RSRC1: variants seen among roughly 807,000 people sequenced by gnomAD.
The protein encoded by RSRC1 is arginine and serine rich coiled-coil 1, also known as serine/Arginine-related protein 53.
In RSRC1, 39 loss-of-function variants were observed where a neutral mutation model predicts 49.1. That is an observed-to-expected ratio of 0.79 (90% confidence interval 0.61 to 1.04). The LOEUF is 1.04. RSRC1 is among the 50% of genes least tolerant of loss of function. The pLI is 0.00. For synonymous variants in RSRC1, 143 were observed against 130.8 expected (o/e 1.09, Z -0.63); for missense variants, 388 against 402.4 (o/e 0.96, Z 0.31).
intron 4 of RSRC1, among the ~76,000 whole-genome samples, chr3:158,269,418 T>C (rs1301728330): frequency 6.6e-6 from 1 of 152,222 alleles, no homozygotes; most frequent in African/African-American, 2.4e-5. Flanking sequence ...AAATATTTCA[T>C]TCCTACATGC....
At chr3:158,384,212 C>G (rs1320855561) in intron 6 of RSRC1, among the ~76,000 whole-genome samples, 1 of 152,070 alleles carries the variant, frequency 6.6e-6, no homozygotes, top group Non-Finnish European at 1.5e-5. Flanking sequence ...CATCAAGAAA[C>G]TCTTCTGCAC....
At chr3:158,242,573 TGATTGCTG>T (rs1723655485) in intron 4 of RSRC1, among the ~76,000 whole-genome samples, 2 of 152,150 alleles carry the variant, frequency 1.3e-5, no homozygotes, top group Non-Finnish European at 2.9e-5. Context: ...CCTAGTAATG[TGATTGCTG>T]AGTCAAATGT....
At chr3:158,453,619 T>C (rs568807013) in intron 6 of RSRC1, among the ~76,000 whole-genome samples, 16 of 151,950 alleles carry the variant, frequency 1.1e-4, no homozygotes, top group South Asian at 4.2e-4. Flanking sequence ...CTGGCCTCAA[T>C]TGATCCTCCC....
chr3:158,356,780 C>A (rs1463823758), intron 6 of RSRC1, among the ~76,000 whole-genome samples: 3 of 152,074 alleles, frequency 2.0e-5, no homozygotes, highest in East Asian at 3.9e-4. Context: ...TTGCTTAGCA[C>A]AGAAAACATT....
chr3:158,219,612 A>G (rs952898725), intron 4 of RSRC1, among the ~76,000 whole-genome samples: 5 of 151,634 alleles, frequency 3.3e-5, no homozygotes, highest in African/African-American at 1.2e-4. Flanking sequence ...AAGGGATATA[A>G]GAGGAGGTGC....
At chr3:158,431,988 T>C (rs899088367) in intron 6 of RSRC1, among the ~76,000 whole-genome samples, 4 of 151,970 alleles carry the variant, frequency 2.6e-5, no homozygotes, top group Non-Finnish European at 5.9e-5. Flanking sequence ...TCACAGATGT[T>C]CATGAATAAT....
At chr3:158,280,970 T>C (rs999202819) in intron 4 of RSRC1, among the ~76,000 whole-genome samples, 2 of 152,166 alleles carry the variant, frequency 1.3e-5, no homozygotes, top group Admixed American at 1.3e-4. Flanking sequence ...TTTTATAAGA[T>C]TAGACTGGCT....
intron 3 of RSRC1, among the ~76,000 whole-genome samples, chr3:158,199,085 A>G (rs890876068): frequency 6.6e-6 from 1 of 152,138 alleles, no homozygotes; most frequent in African/African-American, 2.4e-5. Flanking sequence ...TTCTCACGCT[A>G]TTCTCATGAT....
At chr3:158,430,357 A>G (rs1328307853) in intron 6 of RSRC1, among the ~76,000 whole-genome samples, 1 of 151,908 alleles carries the variant, frequency 6.6e-6, no homozygotes, top group African/African-American at 2.4e-5. Flanking sequence ...CCAGGCAGCC[A>G]CTAGCATTCG....
At chr3:158,172,991 A>T (rs79975141) in intron 3 of RSRC1, among the ~76,000 whole-genome samples, 2,671 of 152,182 alleles carry the variant, frequency 0.018, 69 homozygotes, top group African/African-American at 0.061. Context: ...TTTTTAAAAG[A>T]TAACCTTGTT....
chr3:158,532,130 A>AT (rs1389356906), intron 7 of RSRC1, among the ~76,000 whole-genome samples: 1 of 151,750 alleles, frequency 6.6e-6, no homozygotes, highest in African/African-American at 2.4e-5. Flanking sequence ...ATTAGTATAT[A>AT]TTTTTTTCCT....
chr3:158,460,124 G>A (rs1737537508), intron 6 of RSRC1, among the ~76,000 whole-genome samples: 1 of 151,734 alleles, frequency 6.6e-6, no homozygotes, highest in African/African-American at 2.4e-5. Context: ...TTTTGACAAG[G>A]CAATACTTTT....
chr3:158,241,745 A>G (rs1302797461), intron 4 of RSRC1, among the ~76,000 whole-genome samples: 2 of 152,022 alleles, frequency 1.3e-5, no homozygotes, highest in Admixed American at 6.6e-5. Flanking sequence ...ATCACTGAAG[A>G]TGGCTCATAG....
At chr3:158,227,045 A>G (rs1197601687) in intron 4 of RSRC1, among the ~76,000 whole-genome samples, 1 of 151,906 alleles carries the variant, frequency 6.6e-6, no homozygotes, top group Non-Finnish European at 1.5e-5. Flanking sequence ...TAAGAAAATT[A>G]AATACTAAGA....
intron 4 of RSRC1, among the ~76,000 whole-genome samples, chr3:158,228,811 A>G (rs933639864): frequency 1.5e-5 from 2 of 133,098 alleles, no homozygotes; most frequent in Non-Finnish European, 1.6e-5. Flanking sequence ...ATATATGTCT[A>G]TGATCATAGA....
intron 7 of RSRC1, among the ~76,000 whole-genome samples, chr3:158,511,716 T>G (rs906632540): frequency 5.9e-5 from 9 of 152,208 alleles, no homozygotes; most frequent in Non-Finnish European, 1.0e-4. Flanking sequence ...CCACCATGGT[T>G]GAACTAGTTT....
At chr3:158,380,200 C>T (rs548117827) in intron 6 of RSRC1, among the ~76,000 whole-genome samples, 2 of 152,222 alleles carry the variant, frequency 1.3e-5, no homozygotes, top group South Asian at 2.1e-4. Context: ...AAAATAATTT[C>T]ACTTTTTGCA....
chr3:158,230,779 C>T (rs1210333003), intron 4 of RSRC1, among the ~76,000 whole-genome samples: 1 of 152,112 alleles, frequency 6.6e-6, no homozygotes, highest in Non-Finnish European at 1.5e-5. Context: ...TTTATTACCG[C>T]TCTTCCATAT....
chr3:158,290,196 A>G (rs1010568614), intron 4 of RSRC1, among the ~76,000 whole-genome samples: 2 of 152,186 alleles, frequency 1.3e-5, no homozygotes, highest in African/African-American at 4.8e-5. Flanking sequence ...TAAGGCGAGA[A>G]AAATTTGAGA....
Sources: allele counts gnomAD v4.1 joint callset (sites outside exome capture counted in the v4.1 genomes callset), GRCh38; gene constraint gnomAD v4.1.1; transcripts MANE v1.5; gene names NCBI Gene and HGNC (gene_info 2026-07-23, HGNC 2026-07-21).